Variants in ABCG1 observed in about 807,000 individuals in gnomAD.
ABCG1 encodes the protein ATP-binding cassette sub-family G member 1.
ABCG1 carries 29 observed loss-of-function variants against 69.2 expected under a neutral mutation model. That is an observed-to-expected ratio of 0.42 (90% CI 0.31 to 0.57). The LOEUF (loss-of-function observed/expected upper bound fraction) is 0.57, where lower values mean the gene tolerates loss of function less well. Ranked by LOEUF, ABCG1 falls within the 20% of genes least tolerant of loss-of-function variation. The pLI, the probability that ABCG1 is intolerant of heterozygous loss-of-function variation, is 0.15. For synonymous variants in ABCG1, 370 were observed against 374.8 expected, an observed-to-expected ratio of 0.99 and a Z score of 0.15; for missense variants, 718 against 898.1, an observed-to-expected ratio of 0.80 and a Z score of 2.56.
upstream of ABCG1, among the ~76,000 whole-genome samples, chr21:42,214,602 G>A (rs1303106142): frequency 1.3e-5 from 2 of 152,208 alleles, no homozygotes; most frequent in Non-Finnish European, 2.9e-5. Context: ...GGATGACGAG[G>A]GCACGGTGTT....
intron 1 of ABCG1, among the ~76,000 whole-genome samples, chr21:42,220,421 GAA>G (rs4148146): frequency 1.1e-3 from 159 of 145,582 alleles, no homozygotes; most frequent in African/African-American, 3.8e-3. Flanking sequence ...GAGCTCAAGA[GAA>G]AAAAAAAAAA....
chr21:42,286,130 C>T (rs1269654515), intron 8 of ABCG1, 136 bp downstream of exon 8: 8 of 657,452 alleles, frequency 1.2e-5, no homozygotes, highest in Non-Finnish European at 1.9e-5. Flanking sequence ...AGTTATAAAA[C>T]GTTTAAAGAA....
intron 2 of ABCG1, among the ~76,000 whole-genome samples, chr21:42,237,428 C>T (rs2067993204): frequency 6.6e-6 from 1 of 152,198 alleles, no homozygotes; most frequent in Non-Finnish European, 1.5e-5. Context: ...GGAAGCCTTC[C>T]TTCATTCACC....
chr21:42,220,614 C>G (rs565759738), intron 1 of ABCG1, among the ~76,000 whole-genome samples: 2 of 152,250 alleles, frequency 1.3e-5, no homozygotes, highest in Admixed American at 6.5e-5. Flanking sequence ...GCGGGAGACC[C>G]GCAGGCTGAC....
At chr21:42,269,075 T>C (rs1031648918) in intron 2 of ABCG1, among the ~76,000 whole-genome samples, 9 of 152,164 alleles carry the variant, frequency 5.9e-5, no homozygotes, top group Admixed American at 5.9e-4. Context: ...GTCGTGGCCA[T>C]AGTCAGATGA....
In ABCG1 at chr21:42,276,806, C is replaced by T; in HGVS notation, c.538-89C>T. 1 of 1,352,730 alleles carries T rather than the reference C, an allele frequency of 7.4e-7. No individual in the cohort carries two copies. The highest frequency in any genetic ancestry group is 1.1e-6 in the Non-Finnish European group (1 of 950,914). The allele number at this position is 1,352,730 out of a possible 1,614,324, so 83.8% of individuals were successfully genotyped here. ...CTGTGGCTAGCTGCATCTTGGCTAG[C>T]TGCACCGTGGCCTGCAGTGCGGGCA... On this transcript the variant is annotated intron_variant, in intron 4 of 14. Coordinates refer to ENST00000398449, the MANE Select transcript of ABCG1 (RefSeq NM_016818.3). The surrounding 1 kb of genome is among the most constrained non-coding windows in gnomAD (Gnocchi z 5.3).
chr21:42,219,401 C>T lies in ABCG1; in HGVS notation c.42+97C>T. ...CGCAAGCTCGACCTGACACCCCTCC[C>T]AGGAGCGCGTCCTCTGGGCGCTGAC... is the stretch of plus-strand genomic sequence containing the variant. On this transcript the variant is annotated intron_variant, in intron 1 of 14. Transcript: ENST00000398449. This position sits in a 1 kb window ranked among gnomAD's most constrained non-coding sequence, Gnocchi z 5.3. 6.7e-7 allele frequency: 1 copy of T among 1,494,266 alleles called. No individual in the cohort carries two copies. The highest frequency in any genetic ancestry group is 1.7e-4 in the Middle Eastern group (1 of 5,722). The allele number at this position is 1,494,266 out of a possible 1,614,324, so 92.6% of individuals were successfully genotyped here. A position where few individuals can be genotyped will look rare whatever the true frequency, so the allele number is the denominator to read the frequency against.
intron 5 of ABCG1, among the ~76,000 whole-genome samples, chr21:42,277,681 A>T (rs367616027): frequency 6.6e-6 from 1 of 152,172 alleles, no homozygotes; most frequent in Non-Finnish European, 1.5e-5. Flanking sequence ...CTTCTATAAG[A>T]TTATCTTTCT....
Position 42,291,510 on chromosome 21 carries a change from G to A in ABCG1, c.1507G>A (p.Val503Met). 1.2e-6 allele frequency: 2 copies of A among 1,610,336 alleles called. No homozygotes were observed. The highest frequency in any genetic ancestry group is 1.1e-5 in the South Asian group (1 of 90,970). Residue 503 changes from valine to methionine, a missense_variant, in exon 13 of 15, where the codon GTG becomes ATG. Transcript: ENST00000398449. This position sits in a 1 kb window ranked among gnomAD's most constrained non-coding sequence, Gnocchi z 6.4. ...ADVPFQIMFPVAYCSIVYWMT... is the reference protein window; with the variant it reads ...ADVPFQIMFPMAYCSIVYWMT... ...TCCTTGTTTCCAGATCATGTTCCCA[G>A]TGGCCTACTGCAGCATCGTGTACTG...
chr21:42,215,554 G>A (rs2123480974), upstream of ABCG1, among the ~76,000 whole-genome samples: 1 of 152,330 alleles, frequency 6.6e-6, no homozygotes, highest in South Asian at 2.1e-4. Context: ...CCTCTAGAGG[G>A]AAGGAGCACA....
rs747092415 is a variant in ABCG1 at position 42,286,040 on chromosome 21, C to T, written c.973+46C>T. ...CTCGGGGGACAGAAAGGGGATTTTC[C>T]TCCTCTGTGGGTCTCACTTTTAGCT... is the stretch of plus-strand genomic sequence containing the variant. On this transcript the variant is annotated intron_variant, in intron 8 of 14. Transcript: ENST00000398449. 2.2e-6 allele frequency: 3 copies of T among 1,369,262 alleles called. No individual in the cohort carries two copies. In the South Asian group the frequency reaches 3.5e-5, roughly 16 times the overall value. 84.8% of individuals were successfully genotyped at this position (1,369,262 alleles called of 1,614,324 possible).
At chr21:42,286,627 T>A (rs1022741790) in intron 8 of ABCG1, among the ~76,000 whole-genome samples, 8 of 152,080 alleles carry the variant, frequency 5.3e-5, no homozygotes, top group African/African-American at 1.9e-4. Context: ...TCGTGCTCGC[T>A]CACAAGGAAG....
chr21:42,208,723 T>C (rs944529590), intron 2 of ABCG1, among the ~76,000 whole-genome samples: 3 of 152,218 alleles, frequency 2.0e-5, no homozygotes, highest in Non-Finnish European at 2.9e-5. Flanking sequence ...GATAATTTAC[T>C]GAGATAATTT....
At chr21:42,229,157 G>A (rs2067863897) in intron 2 of ABCG1, among the ~76,000 whole-genome samples, 2 of 152,174 alleles carry the variant, frequency 1.3e-5, no homozygotes, top group Non-Finnish European at 2.9e-5. Context: ...TCAGAGCCCA[G>A]CCTCACTCTG....
chr21:42,205,703 G>T (rs2067537615), intron 2 of ABCG1, among the ~76,000 whole-genome samples: 1 of 150,796 alleles, frequency 6.6e-6, no homozygotes, highest in Non-Finnish European at 1.5e-5. Context: ...CAATTACATT[G>T]ATTTCTGTGA....
chr21:42,265,785 C>A (rs539226005), intron 2 of ABCG1, among the ~76,000 whole-genome samples: 91 of 152,336 alleles, frequency 6.0e-4, no homozygotes, highest in Non-Finnish European at 1.1e-3. Flanking sequence ...GGACCGCAGG[C>A]TGGGATGGCC....
intron 2 of ABCG1, among the ~76,000 whole-genome samples, chr21:42,238,407 G>T (rs1215975845): frequency 6.6e-6 from 1 of 152,090 alleles, no homozygotes; most frequent in East Asian, 1.9e-4. Context: ...TCTTTGTATG[G>T]TTCCTTTTCT....
chr21:42,215,596 GA>G (rs1189375833), upstream of ABCG1, among the ~76,000 whole-genome samples: 1 of 152,188 alleles, frequency 6.6e-6, no homozygotes, highest in Non-Finnish European at 1.5e-5. Flanking sequence ...TGATCACACT[GA>G]ATAGGTGTTC....
At chr21:42,212,041 G>A (rs2049754871), upstream of ABCG1, among the ~76,000 whole-genome samples, 1 of 152,216 alleles carries the variant, frequency 6.6e-6, no homozygotes, top group Non-Finnish European at 1.5e-5. Flanking sequence ...TTCTACCACG[G>A]GAGGGCACAG....
Sources: gnomAD v4.1 joint callset for allele counts (sites outside exome capture counted in the v4.1 genomes callset) on GRCh38, gnomAD v4.1.1 for gene constraint, Gnocchi (gnomAD v3.1) non-coding constraint, MANE v1.5 for transcripts, NCBI Gene and HGNC (gene_info 2026-07-23, HGNC 2026-07-21) for gene names.